The following SH3GL3 variants were observed in gnomAD, a reference collection of about 807,000 sequenced individuals.
SH3GL3 encodes the protein endophilin-A3.
A neutral mutation model predicts 47.7 loss-of-function variants in SH3GL3; 33 were observed. That is an observed-to-expected ratio of 0.69 (90% CI 0.52 to 0.92). The LOEUF (loss-of-function observed/expected upper bound fraction) is 0.92, where lower values mean the gene tolerates loss of function less well. Among genes scored for constraint, SH3GL3 ranks in the 40% least tolerant of loss-of-function variants. SH3GL3 has a pLI of 0.00. For missense variants in SH3GL3, 363 were observed against 417.8 expected (o/e 0.87, Z 1.14); for synonymous variants, 155 against 148.8 (o/e 1.04, Z -0.30).
At chr15:83,489,027 G>A (rs1596086270) in intron 1 of SH3GL3, among the ~76,000 whole-genome samples, 1 of 152,234 alleles carries the variant, frequency 6.6e-6, no homozygotes, top group African/African-American at 2.4e-5. Flanking sequence ...TGGGGGTCCT[G>A]AGAGTCCAGC....
intron 8 of SH3GL3, among the ~76,000 whole-genome samples, chr15:83,590,718 T>G (rs1009149018): frequency 1.3e-5 from 2 of 152,224 alleles, no homozygotes; most frequent in East Asian, 3.9e-4. Context: ...GTGTATCCTC[T>G]TTGGTGAAAT....
intron 1 of SH3GL3, among the ~76,000 whole-genome samples, chr15:83,517,233 C>A (rs2043022760): frequency 7.9e-6 from 1 of 126,706 alleles, no homozygotes; most frequent in South Asian, 2.4e-4. Context: ...GAGATGGAGT[C>A]TGGCTCTGTC....
intron 8 of SH3GL3, among the ~76,000 whole-genome samples, chr15:83,615,800 G>A (rs2585058): frequency 0.62 from 93,695 of 151,954 alleles, 30,797 homozygotes; most frequent in African/African-American, 0.85. Flanking sequence ...ATGTTGTTAT[G>A]ACTGCATAAG....
At chr15:83,615,080 A>C (rs540540143) in intron 8 of SH3GL3, among the ~76,000 whole-genome samples, 82 of 151,686 alleles carry the variant, frequency 5.4e-4, no homozygotes, top group African/African-American at 2.0e-3. Flanking sequence ...GAAATCATCA[A>C]ATAGGATGGC....
intron 7 of SH3GL3, among the ~76,000 whole-genome samples, chr15:83,588,002 T>A (rs2562766): frequency 0.11 from 16,732 of 152,268 alleles, 1,043 homozygotes; most frequent in East Asian, 0.22. Context: ...AATTCTATCA[T>A]AATCTATAAG....
rs144789694 is a variant in SH3GL3, at chr15:83,527,955, C to T, written c.46-31298C>T. On this transcript the variant is annotated intron_variant, in intron 1 of 8. Transcript: ENST00000427482. ...ACTCTCACTTCCAGATTTAGGGCTC[C>T]GTTAAGCATTTCTTACAGAGCTGGA... Among the ~76,000 whole-genome samples, 73 of 152,162 alleles carry T rather than the reference C, an allele frequency of 4.8e-4. 1 individual carries two copies. Among genetic ancestry groups the T allele is most frequent in the Middle Eastern group, 3.4e-3 (1 of 294 alleles).
rs1183626082 is a variant in SH3GL3 at position 83,586,996 on chromosome 15, G to C, written c.638G>C (p.Ser213Thr). Residue 213 changes from serine to threonine, a missense_variant, in exon 7 of 9, where the codon AGC (serine) becomes ACC (threonine). Ser to Thr is a moderately conservative substitution (Grantham distance 58). Coordinates refer to ENST00000427482, the MANE Select transcript of SH3GL3 (RefSeq NM_003027.5). Reference sequence around the variant, plus strand: ...CTTCTGCTGCAGGTAGAACAAGTCAGCCAGTTGGCTGTGTTCATAGAGGCA... The same window carrying C: ...CTTCTGCTGCAGGTAGAACAAGTCACCCAGTTGGCTGTGTTCATAGAGGCA... ...NFLENDVEQV[S>T]QLAVFIEAAL... 2 of 1,604,072 alleles carry C rather than the reference G, an allele frequency of 1.2e-6. No homozygotes were observed. The highest frequency in any genetic ancestry group is 1.3e-5 in the African/African-American group (1 of 74,432).
intron 1 of SH3GL3, among the ~76,000 whole-genome samples, chr15:83,545,562 G>A (rs1426558422): frequency 6.6e-6 from 1 of 152,050 alleles, no homozygotes; most frequent in African/African-American, 2.4e-5. Context: ...TTTTCTGGAC[G>A]GTCTTGATAC....
chr15:83,632,565 A>G, the SH3GL3 span, among the ~76,000 whole-genome samples: 22 of 152,380 alleles, frequency 1.4e-4, no homozygotes, highest in African/African-American at 5.3e-4. Context: ...GCAAAGCCTC[A>G]GGAAACTCAC....
chr15:83,573,782 C>G (rs1181445960), intron 5 of SH3GL3, among the ~76,000 whole-genome samples: 1 of 152,210 alleles, frequency 6.6e-6, no homozygotes, highest in African/African-American at 2.4e-5. Flanking sequence ...CATCCATCAA[C>G]TGTGTATAGC....
At chr15:83,572,298 C>G (rs2059563087) in intron 4 of SH3GL3, among the ~76,000 whole-genome samples, 1 of 152,206 alleles carries the variant, frequency 6.6e-6, no homozygotes, top group Admixed American at 6.5e-5. Flanking sequence ...TTATCCCCAT[C>G]TAGTGGTCCA....
chr15:83,540,638 C>G (rs1232473039), intron 1 of SH3GL3, among the ~76,000 whole-genome samples: 1 of 151,944 alleles, frequency 6.6e-6, no homozygotes, highest in Non-Finnish European at 1.5e-5. Context: ...TTTAAAATTT[C>G]TATGGGTACA....
intron 6 of SH3GL3, among the ~76,000 whole-genome samples, chr15:83,580,006 G>A (rs2059790321): frequency 6.6e-6 from 1 of 152,192 alleles, no homozygotes; most frequent in Admixed American, 6.5e-5. Flanking sequence ...GACTAGTTGG[G>A]AGAAAGACAA....
chr15:83,535,711 T>C (rs558497476), intron 1 of SH3GL3, among the ~76,000 whole-genome samples: 10 of 152,342 alleles, frequency 6.6e-5, no homozygotes, highest in Non-Finnish European at 4.4e-5. Context: ...AAAGACCACA[T>C]TTTGCTATGA....
intron 1 of SH3GL3, among the ~76,000 whole-genome samples, chr15:83,500,019 G>T (rs75202320): frequency 6.6e-6 from 1 of 152,178 alleles, no homozygotes; most frequent in African/African-American, 2.4e-5. Flanking sequence ...GGAGAGGGTC[G>T]GGAAGTCCTG....
chr15:83,563,080 C>G (rs1250549946), intron 2 of SH3GL3, among the ~76,000 whole-genome samples: 1 of 152,156 alleles, frequency 6.6e-6, no homozygotes, highest in Non-Finnish European at 1.5e-5. Flanking sequence ...GGAACAAATA[C>G]GATTTCAGGC....
chr15:83,482,548 C>G (rs1158867667), intron 1 of SH3GL3, among the ~76,000 whole-genome samples: 1 of 151,614 alleles, frequency 6.6e-6, no homozygotes, highest in Admixed American at 6.6e-5. Context: ...GGCTGGAGTG[C>G]AATGGCGTGA....
intron 1 of SH3GL3, among the ~76,000 whole-genome samples, chr15:83,467,087 A>G (rs1040057828): frequency 1.3e-5 from 2 of 152,226 alleles, no homozygotes; most frequent in Non-Finnish European, 2.9e-5. Context: ...CATATGGATC[A>G]TACTTTTGGA....
chr15:83,490,759 T>G (rs1424835001), intron 1 of SH3GL3: 1 of 1,604,258 alleles, frequency 6.2e-7, no homozygotes, highest in Non-Finnish European at 8.5e-7. Context: ...CAGGAGCTTT[T>G]AAGTGAATAA....
Sources: gnomAD v4.1 joint callset for allele counts (sites outside exome capture counted in the v4.1 genomes callset) on GRCh38, gnomAD v4.1.1 for gene constraint, MANE v1.5 for transcripts, NCBI Gene and HGNC (gene_info 2026-07-23, HGNC 2026-07-21) for gene names.